GABRG1: variants seen among roughly 807,000 people sequenced by gnomAD.
The protein encoded by GABRG1 is gamma-aminobutyric acid receptor subunit gamma-1.
A neutral mutation model predicts 49.8 loss-of-function variants in GABRG1; 49 were observed. The ratio of observed to expected loss-of-function variants is 0.98; its 90% CI spans 0.78 to 1.25. The LOEUF is 1.25. GABRG1 is among the 50% of genes most tolerant of loss of function. GABRG1 has a pLI of 0.00. For missense variants in GABRG1, 552 were observed against 552.3 expected (o/e 1.00, Z 0.01); for synonymous variants, 232 against 185.1 (o/e 1.25, Z -2.06).
chr4:46,111,479 C>T (rs765297415), intron 1 of GABRG1, among the ~76,000 whole-genome samples: 5 of 150,926 alleles, frequency 3.3e-5, no homozygotes, highest in Non-Finnish European at 5.9e-5. Flanking sequence ...TTCCATAGAA[C>T]TAGGAAAAAC....
Position 46,109,643 on chromosome 4 carries a change from C to G in GABRG1, c.105-12294G>C, listed in dbSNP as rs1384818590. ...GAGATTATTTTAACCTTTTCAGGCC[C>G]ACAGTTAGCATATAAACTTTCTTCT... On this transcript the variant is annotated intron_variant, in intron 1 of 8. Transcript: ENST00000295452. 2.0e-5 allele frequency among the ~76,000 whole-genome samples: 3 copies of G among 150,906 alleles called. No homozygotes were observed. The East Asian group carries it at 5.9e-4, about 29-fold the overall frequency.
rs1187513615 is a variant in GABRG1 at position 46,038,930 on chromosome 4, A to G, written c.*2058T>C. 1.3e-5 allele frequency: 2 copies of G among 151,660 alleles called. No homozygotes were observed. Among genetic ancestry groups the G allele is most frequent in the East Asian group, 3.9e-4 (2 of 5,184 alleles). 9.4% of individuals were successfully genotyped at this position (151,660 alleles called of 1,614,324 possible). A position where few individuals can be genotyped will look rare whatever the true frequency, so the allele number is the denominator to read the frequency against. On this transcript the variant is annotated 3_prime_UTR_variant, in exon 9 of 9. Coordinates refer to ENST00000295452, the MANE Select transcript of GABRG1 (RefSeq NM_173536.4). ...AAGCTATTTTTTTTCTTTTACATAG[A>G]ACGTGGTTCAGAAGGAAAAGCTATT... is the stretch of plus-strand genomic sequence containing the variant.
Position 46,036,240 on chromosome 4 carries a change from A to T in GABRG1, c.*4748T>A, listed in dbSNP as rs1436859111. On this transcript the variant is annotated 3_prime_UTR_variant, in exon 9 of 9. Coordinates refer to ENST00000295452, the MANE Select transcript of GABRG1 (RefSeq NM_173536.4). ...CAACTTTCTGGATTTGTCTACACAC[A>T]GTAGACTATTTCTACCTGCAATTCT... 6.6e-6 allele frequency: 1 copy of T among 151,826 alleles called. No individual in the cohort carries two copies. Among genetic ancestry groups the T allele is most frequent in the African/African-American group, 2.4e-5 (1 of 41,424 alleles). The allele number at this position is 151,826 out of a possible 1,614,324, so 9.4% of individuals were successfully genotyped here. A position where few individuals can be genotyped will look rare whatever the true frequency, so the allele number is the denominator to read the frequency against.
rs1717711533 is a variant in GABRG1 at position 46,040,143 on chromosome 4, AT to A, written c.*844del. 1 of 151,984 alleles carries A rather than the reference AT, an allele frequency of 6.6e-6. No individual in the cohort carries two copies. The highest frequency in any genetic ancestry group is 1.5e-5 in the Non-Finnish European group (1 of 67,916). 9.4% of individuals were successfully genotyped at this position (151,984 alleles called of 1,614,324 possible). ...ACTTTCATAAAACATAAAGAAAAAA[AT>A]AATCATTTCTCTCTGCATTTAATTT... On this transcript the variant is annotated 3_prime_UTR_variant, in exon 9 of 9. Transcript: ENST00000295452.
intron 1 of GABRG1, among the ~76,000 whole-genome samples, chr4:46,105,485 A>T (rs1268750227): frequency 6.6e-6 from 1 of 151,308 alleles, no homozygotes; most frequent in African/African-American, 2.4e-5. Flanking sequence ...CATTTAGGAG[A>T]TTTGGAGAAA....
chr4:46,042,546 T>C (rs1717825180), intron 8 of GABRG1, among the ~76,000 whole-genome samples: 1 of 151,992 alleles, frequency 6.6e-6, no homozygotes, highest in Non-Finnish European at 1.5e-5. Context: ...TCTTTTCCCA[T>C]GCAAATGTTT....
intron 1 of GABRG1, among the ~76,000 whole-genome samples, chr4:46,103,339 G>A (rs183312108): frequency 6.6e-6 from 1 of 151,572 alleles, no homozygotes; most frequent in Non-Finnish European, 1.5e-5. Context: ...CTTGTACTGA[G>A]TATATGTACA....
intron 8 of GABRG1, among the ~76,000 whole-genome samples, chr4:46,049,793 T>C (rs1198444476): frequency 6.6e-6 from 1 of 151,964 alleles, no homozygotes; most frequent in Non-Finnish European, 1.5e-5. Context: ...GAACTTTGGC[T>C]GAGTGTACAT....
chr4:46,061,908 G>A (rs1436894578), intron 5 of GABRG1, among the ~76,000 whole-genome samples: 1 of 150,026 alleles, frequency 6.7e-6, no homozygotes, highest in Non-Finnish European at 1.5e-5. Flanking sequence ...TCAGTTTTAG[G>A]GTACATGTGC....
Position 46,108,386 on chromosome 4 carries a change from T to C in GABRG1, c.105-11037A>G, listed in dbSNP as rs904351400. On this transcript the variant is annotated intron_variant, in intron 1 of 8. Coordinates refer to ENST00000295452, the MANE Select transcript of GABRG1 (RefSeq NM_173536.4). ...CCACTTGAACTAGAAATTGATTTTG[T>C]TCAATTCACATTTGCTTTGCTTAAT... is the stretch of plus-strand genomic sequence containing the variant. Among the ~76,000 whole-genome samples the C allele has an allele frequency of 2.6e-5, 4 of 151,160 alleles. No individual in the cohort carries two copies. The Admixed American group carries it at 2.6e-4, about 10-fold the overall frequency.
At chr4:46,056,818 C>A (rs937512059) in intron 7 of GABRG1, among the ~76,000 whole-genome samples, 1 of 152,098 alleles carries the variant, frequency 6.6e-6, no homozygotes, top group East Asian at 1.9e-4. Context: ...ATCTTAGGGT[C>A]CACAATTACA....
Position 46,070,520 on chromosome 4 carries a change from C to T in GABRG1, c.322-4936G>A, listed in dbSNP as rs117126495. 2.4e-4 allele frequency among the ~76,000 whole-genome samples: 37 copies of T among 151,998 alleles called. No individual in the cohort carries two copies. In the East Asian group the frequency reaches 6.8e-3, roughly 28 times the overall value. On this transcript the variant is annotated intron_variant, in intron 3 of 8. Transcript: ENST00000295452. ...TGGAATATATATAGTACCTGAGTAC[C>T]TGAATTCTGGGTTTGGAGCAAGCTA...
intron 8 of GABRG1, among the ~76,000 whole-genome samples, chr4:46,048,086 T>A (rs1577629914): frequency 6.6e-6 from 1 of 152,138 alleles, no homozygotes; most frequent in East Asian, 1.9e-4. Flanking sequence ...ATATTCAAGT[T>A]TCAACATAAA....
At chr4:46,089,283 C>T (rs1176531042) in intron 2 of GABRG1, among the ~76,000 whole-genome samples, 1 of 152,040 alleles carries the variant, frequency 6.6e-6, no homozygotes, top group Admixed American at 6.6e-5. Context: ...TACCTCCTAA[C>T]CATAAAAGTC....
At chr4:46,105,605 C>T (rs1720507625) in intron 1 of GABRG1, among the ~76,000 whole-genome samples, 1 of 151,434 alleles carries the variant, frequency 6.6e-6, no homozygotes, top group African/African-American at 2.4e-5. Flanking sequence ...ATTGTTATTA[C>T]ACTACATAAC....
chr4:46,100,922 T>C (rs1720360069), intron 1 of GABRG1, among the ~76,000 whole-genome samples: 5 of 151,426 alleles, frequency 3.3e-5, no homozygotes, highest in Admixed American at 3.3e-4. Context: ...ATCTACACCT[T>C]TTCTCTAAGC....
chr4:46,058,302 G>T lies in GABRG1; in HGVS notation c.831C>A (p.Thr277=). 6.2e-7 allele frequency: 1 copy of T among 1,612,930 alleles called. No homozygotes were observed. Among genetic ancestry groups the T allele is most frequent in the Non-Finnish European group, 8.5e-7 (1 of 1,179,280 alleles). ...CAACTGTCAGAATGCATGGAATGTAGGTCTGAATAGTGAAATATCCCATTC... is the reference window on the plus strand; with the variant it reads ...CAACTGTCAGAATGCATGGAATGTATGTCTGAATAGTGAAATATCCCATTC... ...SRRMGYFTIQ[T]YIPCILTVVL... Residue 277 remains threonine (T), a synonymous_variant, in exon 7 of 9, where the codon ACC becomes ACA. Coordinates refer to ENST00000295452, the MANE Select transcript of GABRG1 (RefSeq NM_173536.4).
chr4:46,061,285 A>G (rs929508988), intron 5 of GABRG1, among the ~76,000 whole-genome samples: 8 of 152,128 alleles, frequency 5.3e-5, no homozygotes, highest in African/African-American at 1.9e-4. Flanking sequence ...GTAGATCATT[A>G]ATATAAAAGA....
At chr4:46,088,766 C>CACAA (rs764843494) in intron 2 of GABRG1, among the ~76,000 whole-genome samples, 1 of 145,824 alleles carries the variant, frequency 6.9e-6, no homozygotes, top group Non-Finnish European at 1.5e-5. Flanking sequence ...CACACACACA[C>CACAA]CCCATATATC....
Sources: gnomAD v4.1 joint callset for allele counts (sites outside exome capture counted in the v4.1 genomes callset) on GRCh38, gnomAD v4.1.1 for gene constraint, MANE v1.5 for transcripts, NCBI Gene and HGNC (gene_info 2026-07-23, HGNC 2026-07-21) for gene names.